Variants in WBP1L observed in about 807,000 individuals in gnomAD.
WBP1L encodes the protein WW domain binding protein 1 like.
A neutral mutation model predicts 33.7 loss-of-function variants in WBP1L; 17 were observed. That is an observed-to-expected ratio of 0.50 (90% CI 0.34 to 0.76). The LOEUF is 0.76. WBP1L is among the 30% of genes least tolerant of loss of function. WBP1L has a pLI of 0.01. For synonymous variants in WBP1L, 173 were observed against 190.8 expected, an observed-to-expected ratio of 0.91 and a Z score of 0.77; for missense variants, 389 against 469.4, an observed-to-expected ratio of 0.83 and a Z score of 1.58.
At chr10:102,744,208 G>A (rs2134020576) in intron 1 of WBP1L, 65 bp downstream of exon 1, 2 of 1,455,492 alleles carry the variant, frequency 1.4e-6, no homozygotes, top group East Asian at 2.6e-5. Context: ...GGCTGGAGGG[G>A]TCTGAAGGAG....
intron 1 of WBP1L, among the ~76,000 whole-genome samples, chr10:102,756,660 A>G (rs1842981203): frequency 6.6e-6 from 1 of 152,098 alleles, no homozygotes; most frequent in Non-Finnish European, 1.5e-5. Context: ...ATTGTGCTAG[A>G]TTCCTAAAAG....
At chr10:102,748,315 C>G (rs1842889075) in intron 1 of WBP1L, among the ~76,000 whole-genome samples, 1 of 151,970 alleles carries the variant, frequency 6.6e-6, no homozygotes, top group African/African-American at 2.4e-5. Context: ...GGCCTCAGTT[C>G]CTGCTATTTT....
intron 2 of WBP1L, among the ~76,000 whole-genome samples, chr10:102,805,260 C>G (rs1025232570): frequency 5.3e-5 from 8 of 152,074 alleles, no homozygotes; most frequent in African/African-American, 1.9e-4. Flanking sequence ...GCCTGGGTGA[C>G]AGAGTAATAC....
At chr10:102,776,246 CTGTTTACTT>C (rs1472569336) in intron 1 of WBP1L, 2 of 1,575,968 alleles carry the variant, frequency 1.3e-6, no homozygotes, top group African/African-American at 2.7e-5. Context: ...TCCCAGGACT[CTGTTTACTT>C]TGTCTGCTTT....
chr10:102,768,280 G>T (rs1159750523), intron 1 of WBP1L, among the ~76,000 whole-genome samples: 1 of 150,916 alleles, frequency 6.6e-6, no homozygotes, highest in East Asian at 2.0e-4. Flanking sequence ...TGCCATGTTT[G>T]CCAGGCTGGT....
intron 1 of WBP1L, among the ~76,000 whole-genome samples, chr10:102,794,239 T>C (rs1239640061): frequency 6.6e-6 from 1 of 152,136 alleles, no homozygotes; most frequent in Non-Finnish European, 1.5e-5. Context: ...AGAGGAGACA[T>C]AGATTTCATG....
intron 1 of WBP1L, among the ~76,000 whole-genome samples, chr10:102,767,076 TG>T (rs1420226719): frequency 1.3e-5 from 2 of 152,130 alleles, no homozygotes; most frequent in East Asian, 3.9e-4. Flanking sequence ...CCTAGCATTT[TG>T]ATATGAAAAC....
At chr10:102,798,436 CT>C (rs541811936) in intron 2 of WBP1L, among the ~76,000 whole-genome samples, 105 of 146,568 alleles carry the variant, frequency 7.2e-4, no homozygotes, top group Non-Finnish European at 7.4e-4. Flanking sequence ...GTTTGCCTTT[CT>C]TTTTTTTTTT....
chr10:102,783,928 G>A (rs1191500676), intron 1 of WBP1L, among the ~76,000 whole-genome samples: 2 of 152,170 alleles, frequency 1.3e-5, no homozygotes, highest in African/African-American at 4.8e-5. Flanking sequence ...AGGGGAAATA[G>A]GTAGAGCTTT....
In WBP1L at chr10:102,813,458, C is replaced by T; in HGVS notation, c.*127C>T. 7.7e-7 allele frequency: 1 copy of T among 1,291,104 alleles called. No individual in the cohort carries two copies. Among genetic ancestry groups the T allele is most frequent in the East Asian group, 2.5e-5 (1 of 39,756 alleles). 80.0% of individuals were successfully genotyped at this position (1,291,104 alleles called of 1,614,324 possible). A position where few individuals can be genotyped will look rare whatever the true frequency, so the allele number is the denominator to read the frequency against. ...CACTTGGTTCCTTTTTGTTTGTTTT[C>T]CTTCTCCTCTCCTGCATTTTCCTCC... On this transcript the variant is annotated 3_prime_UTR_variant, in exon 4 of 4. Coordinates refer to ENST00000448841, the MANE Select transcript of WBP1L (RefSeq NM_001083913.2).
At chr10:102,801,968 T>C (rs1359587405) in intron 2 of WBP1L, among the ~76,000 whole-genome samples, 1 of 35,434 alleles carries the variant, frequency 2.8e-5, no homozygotes, top group Non-Finnish European at 5.0e-5. Context: ...TCCCTACCCT[T>C]CCCCCCACCC....
chr10:102,770,959 A>G (rs1013791576), intron 1 of WBP1L, among the ~76,000 whole-genome samples: 7 of 152,236 alleles, frequency 4.6e-5, no homozygotes, highest in African/African-American at 1.7e-4. Flanking sequence ...GCTGTCTCAC[A>G]GCCAGCTGTG....
chr10:102,809,948 CCACCGCCGAGCCAAG>C lies in WBP1L; in HGVS notation c.257_271del (p.Arg86_Arg90del). ...TCCTGAGCTGCTGCTGTGTTTGCCA[CCACCGCCGAGCCAAG>C]CACCGCCTTCAGGCCCAGCAGCGGC... On this transcript the variant is annotated inframe_deletion, in exon 3 of 4. Transcript: ENST00000448841. 1 of 1,614,012 alleles carries C rather than the reference CCACCGCCGAGCCAAG, an allele frequency of 6.2e-7. No individual in the cohort carries two copies. Among genetic ancestry groups the C allele is most frequent in the Non-Finnish European group, 8.5e-7 (1 of 1,180,038 alleles).
chr10:102,745,857 C>T lies in WBP1L; in HGVS notation c.90+1714C>T, dbSNP rs1842858431. 2.0e-5 allele frequency among the ~76,000 whole-genome samples: 3 copies of T among 152,146 alleles called. No homozygotes were observed. The South Asian group carries it at 6.2e-4, about 31-fold the overall frequency. ...TTGTTTTTCCAGTGGAAATCATAAA[C>T]TGGCAGAAGAAATATATTTTTTTTG... On this transcript the variant is annotated intron_variant, in intron 1 of 3. Transcript: ENST00000448841.
At chr10:102,750,227 G>C (rs1842912039) in intron 1 of WBP1L, among the ~76,000 whole-genome samples, 1 of 151,206 alleles carries the variant, frequency 6.6e-6, no homozygotes, top group African/African-American at 2.4e-5. Flanking sequence ...GGCCAACATG[G>C]TGAAACCTCA....
chr10:102,812,710 G>T lies in WBP1L; in HGVS notation c.471G>T (p.Gln157His), dbSNP rs772716303. Residue 157 changes from glutamine (Q) to histidine (H), a missense_variant, in exon 4 of 4, where the codon CAG becomes CAT. Gln to His is a conservative substitution (Grantham distance 24). Coordinates refer to ENST00000448841, the MANE Select transcript of WBP1L (RefSeq NM_001083913.2). ...AGCAGCAGCAGCTGCTGCCTCCACA[G>T]TGTGGCCCTGCAGGTGGCAGTCCCC... ...QLQQQQLLPP[Q>H]CGPAGGSPPG... is the part of the protein sequence containing the mutation. The T allele has an allele frequency of 1.2e-6, 2 of 1,613,900 alleles. No individual in the cohort carries two copies. Among genetic ancestry groups the T allele is most frequent in the Non-Finnish European group, 1.7e-6 (2 of 1,179,992 alleles).
intron 2 of WBP1L, among the ~76,000 whole-genome samples, chr10:102,807,677 G>A (rs1843756308): frequency 6.6e-6 from 1 of 151,964 alleles, no homozygotes; most frequent in Admixed American, 6.6e-5. Flanking sequence ...CCAGCCATAC[G>A]TACTTTTTTT....
rs1188286707 is a variant in WBP1L, at chr10:102,757,887, C to CTTTTT, written c.90+13756_90+13760dup. Among the ~76,000 whole-genome samples the CTTTTT allele has an allele frequency of 1.2e-4, 3 of 25,366 alleles. 1 individual carries two copies. Among genetic ancestry groups the CTTTTT allele is most frequent in the Non-Finnish European group, 2.0e-4 (3 of 14,872 alleles). The allele number at this position is 25,366 out of a possible 152,430, so 16.6% of individuals were successfully genotyped here. A position where few individuals can be genotyped will look rare whatever the true frequency, so the allele number is the denominator to read the frequency against. On this transcript the variant is annotated intron_variant, in intron 1 of 3. Coordinates refer to ENST00000448841, the MANE Select transcript of WBP1L (RefSeq NM_001083913.2). ...CACTGTACCTGCCCTCCCCCCCCCC[C>CTTTTT]TTTTTTTTTTTTTTTTGAGACAGAG...
chr10:102,767,608 C>T (rs1204432365), intron 1 of WBP1L, among the ~76,000 whole-genome samples: 1 of 152,184 alleles, frequency 6.6e-6, no homozygotes, highest in African/African-American at 2.4e-5. Context: ...TTCTGGCCCA[C>T]TTTGGAGACC....
Sources: allele counts gnomAD v4.1 joint callset (sites outside exome capture counted in the v4.1 genomes callset), GRCh38; gene constraint gnomAD v4.1.1; transcripts MANE v1.5; gene names NCBI Gene and HGNC (gene_info 2026-07-23, HGNC 2026-07-21).